Variants in WWOX observed in about 807,000 individuals in gnomAD.
WWOX encodes WW domain-containing oxidoreductase.
In WWOX, 69 loss-of-function variants were observed where a neutral mutation model predicts 46.2. The ratio of observed to expected loss-of-function variants is 1.49; its 90% CI spans 1.23 to 1.82. The LOEUF is 1.82. Ranked by LOEUF, WWOX falls within the 40% of genes most tolerant of loss-of-function variation. WWOX has a pLI of 0.00. For missense variants in WWOX, 919 were observed against 542.6 expected (o/e 1.69, Z -6.89); for synonymous variants, 359 against 202.6 (o/e 1.77, Z -6.56).
At chr16:78,113,393 C>G (rs186271953) in intron 3 of WWOX, among the ~76,000 whole-genome samples, 2 of 152,246 alleles carry the variant, frequency 1.3e-5, no homozygotes, top group Non-Finnish European at 2.9e-5. Context: ...TGATTCAACT[C>G]TGCCTTTGTA....
chr16:78,380,631 T>C (rs1360074802), intron 5 of WWOX, among the ~76,000 whole-genome samples: 1 of 152,106 alleles, frequency 6.6e-6, no homozygotes, highest in Admixed American at 6.5e-5. Flanking sequence ...CAATACATAA[T>C]CACAATATAA....
intron 6 of WWOX, among the ~76,000 whole-genome samples, chr16:78,413,772 G>C (rs923409164): frequency 1.3e-5 from 2 of 152,002 alleles, no homozygotes; most frequent in African/African-American, 4.8e-5. Flanking sequence ...CTCAGTTCCT[G>C]GGTGGGGGCC....
intron 8 of WWOX, among the ~76,000 whole-genome samples, chr16:78,796,933 C>T (rs774674470): frequency 2.0e-5 from 3 of 151,092 alleles, no homozygotes; most frequent in South Asian, 2.1e-4. Flanking sequence ...TCAACTGATT[C>T]TCCTGCCTCA....
At chr16:78,804,642 T>C (rs2050981064) in intron 8 of WWOX, among the ~76,000 whole-genome samples, 1 of 152,230 alleles carries the variant, frequency 6.6e-6, no homozygotes, top group South Asian at 2.1e-4. Context: ...AGCCTTTGAG[T>C]GTAGCAGAAT....
intron 8 of WWOX, chr16:78,873,232 A>T (rs1042624274): frequency 1.3e-5 from 2 of 151,912 alleles, no homozygotes; most frequent in African/African-American, 2.4e-5. Flanking sequence ...TATGCTTGAT[A>T]AAAAAAGTTT....
intron 5 of WWOX, among the ~76,000 whole-genome samples, chr16:78,191,158 C>T (rs910626413): frequency 6.6e-6 from 1 of 152,176 alleles, no homozygotes; most frequent in Non-Finnish European, 1.5e-5. Context: ...GACCACAGAG[C>T]CCCTGGAGCC....
chr16:78,577,132 T>C (rs2044901859), intron 8 of WWOX, among the ~76,000 whole-genome samples: 1 of 152,178 alleles, frequency 6.6e-6, no homozygotes, highest in Admixed American at 6.5e-5. Context: ...CACCAGTGTC[T>C]CATAGGGTTG....
At chr16:79,196,924 T>C (rs543283673) in intron 8 of WWOX, among the ~76,000 whole-genome samples, 2 of 152,200 alleles carry the variant, frequency 1.3e-5, no homozygotes, top group Non-Finnish European at 2.9e-5. Flanking sequence ...TGAGCATCTT[T>C]CAATTCCTTG....
intron 8 of WWOX, among the ~76,000 whole-genome samples, chr16:79,143,750 C>T (rs953623303): frequency 1.3e-5 from 2 of 152,104 alleles, no homozygotes; most frequent in African/African-American, 2.4e-5. Flanking sequence ...TCTATGCGCC[C>T]ATGGGAAACT....
chr16:78,800,821 TCTC>T lies in WWOX; in HGVS notation c.1056+368074_1056+368076del, dbSNP rs375485286. Among the ~76,000 whole-genome samples the T allele has an allele frequency of 5.1e-3, 782 of 152,208 alleles. 12 individuals carry two copies. The highest frequency in any genetic ancestry group is 0.018 in the African/African-American group (749 of 41,522). ...ACAGCAAACTTCTCTTGAGATAGCA[TCTC>T]CTCCCCAGCACTCACTTGACAGATT... On this transcript the variant is annotated intron_variant, in intron 8 of 8. Transcript: ENST00000566780.
At chr16:78,829,227 C>G (rs1052300308) in intron 8 of WWOX, among the ~76,000 whole-genome samples, 1 of 152,078 alleles carries the variant, frequency 6.6e-6, no homozygotes, top group African/African-American at 2.4e-5. Context: ...ATTATGGAAG[C>G]CCAGAAGTCC....
At chr16:78,578,676 G>C (rs751793772) in intron 8 of WWOX, among the ~76,000 whole-genome samples, 4 of 152,078 alleles carry the variant, frequency 2.6e-5, no homozygotes, top group Non-Finnish European at 5.9e-5. Context: ...TGCAGTGTTT[G>C]AAATAAATTT....
intron 8 of WWOX, among the ~76,000 whole-genome samples, chr16:78,634,806 C>T (rs536101609): frequency 7.6e-5 from 10 of 131,988 alleles, no homozygotes; most frequent in African/African-American, 1.8e-4. Context: ...GCTCAGCACC[C>T]GACTGGAGAG....
chr16:78,938,555 G>C (rs1270912962), intron 8 of WWOX, among the ~76,000 whole-genome samples: 3 of 151,938 alleles, frequency 2.0e-5, no homozygotes, highest in East Asian at 3.9e-4. Context: ...GGCAACAGTG[G>C]GTTTTTGTTA....
At chr16:79,164,237 G>A (rs9924711) in intron 8 of WWOX, among the ~76,000 whole-genome samples, 3,826 of 152,246 alleles carry the variant, frequency 0.025, 185 homozygotes, top group African/African-American at 0.088. Context: ...CCAGTGTCTG[G>A]ATGCCCCACC....
chr16:79,023,792 C>A (rs886301295), intron 8 of WWOX, among the ~76,000 whole-genome samples: 31 of 141,208 alleles, frequency 2.2e-4, no homozygotes, highest in Non-Finnish European at 2.0e-4. Context: ...ACTAAAAATA[C>A]AAAAAAAAAA....
At chr16:78,487,117 A>T (rs1447238754) in intron 8 of WWOX, among the ~76,000 whole-genome samples, 2 of 152,208 alleles carry the variant, frequency 1.3e-5, no homozygotes, top group Admixed American at 1.3e-4. Context: ...TAACGAGATG[A>T]TTCTATAACA....
chr16:78,544,426 G>C (rs995120878), intron 8 of WWOX, among the ~76,000 whole-genome samples: 1 of 152,104 alleles, frequency 6.6e-6, no homozygotes, highest in East Asian at 1.9e-4. Flanking sequence ...TTATTAAGTA[G>C]TCAGTTCCTC....
chr16:78,850,939 G>A (rs901156824), intron 8 of WWOX, among the ~76,000 whole-genome samples: 1 of 152,230 alleles, frequency 6.6e-6, no homozygotes, highest in Non-Finnish European at 1.5e-5. Flanking sequence ...CGGGATGGCA[G>A]TCGGGAGTGT....
Sources: allele counts gnomAD v4.1 joint callset (sites outside exome capture counted in the v4.1 genomes callset), GRCh38; gene constraint gnomAD v4.1.1; transcripts MANE v1.5; gene names NCBI Gene and HGNC (gene_info 2026-07-23, HGNC 2026-07-21).